Variants in SZT2 observed in about 807,000 individuals in gnomAD.
The protein encoded by SZT2 is KICSTOR complex protein SZT2.
A neutral mutation model predicts 404.2 loss-of-function variants in SZT2; 216 were observed. That is an observed-to-expected ratio of 0.53 (90% confidence interval 0.48 to 0.60). SZT2 has a LOEUF of 0.60. SZT2 is among the 20% of genes least tolerant of loss of function. The pLI is 0.00. For missense variants in SZT2, 3,857 were observed against 4,459.2 expected (o/e 0.86, Z 3.85); for synonymous variants, 1,693 against 1,749.9 (o/e 0.97, Z 0.81).
At chr1:43,416,663 C>T (rs772666294) in intron 7 of SZT2, 22 bp downstream of exon 7, 42 of 1,563,822 alleles carry the variant, frequency 2.7e-5, no homozygotes, top group Admixed American at 5.2e-5. Context: ...TTAGGAAGGA[C>T]GAGAGAGATA....
rs1480487934 is a variant in SZT2, at chr1:43,437,123, G to A, written c.6035-48G>A. The A allele has an allele frequency of 6.2e-7, 1 of 1,605,376 alleles. No homozygotes were observed. The highest frequency in any genetic ancestry group is 1.1e-5 in the South Asian group (1 of 90,010). On this transcript the variant is annotated intron_variant, in intron 42 of 71. Coordinates refer to ENST00000634258, the MANE Select transcript of SZT2 (RefSeq NM_001365999.1). The surrounding 1 kb of genome is among the most constrained non-coding windows in gnomAD (Gnocchi z 5.3). The stretch of plus-strand genomic sequence containing the variant: ...TTCCCAGGTGAGAAGTCTGTGGAGG[G>A]CAGAGGGTGGTGTGTCCCATTTCTA...
chr1:43,403,370 A>G, intron 2 of SZT2, 68 bp downstream of exon 2: 1 of 1,563,124 alleles, frequency 6.4e-7, no homozygotes, highest in Non-Finnish European at 8.7e-7. Flanking sequence ...GGAGAGTGCT[A>G]GAAACAGACA....
At position 43,439,185 on chromosome 1, in the gene SZT2, C is replaced by A; in HGVS notation, c.6792+92C>A. On this transcript the variant is annotated intron_variant, in intron 48 of 71. Transcript: ENST00000634258. The surrounding 1 kb of genome is among the most constrained non-coding windows in gnomAD (Gnocchi z 4.2). ...TTTCCTACCGATACCCCTATATGTA[C>A]CTTTGCCCATGGACCTGGGTACACC... 1 of 1,580,558 alleles carries A rather than the reference C, an allele frequency of 6.3e-7. No homozygotes were observed. The highest frequency in any genetic ancestry group is 1.1e-5 in the South Asian group (1 of 87,848).
intron 7 of SZT2, among the ~76,000 whole-genome samples, chr1:43,417,997 T>A (rs1254451754): frequency 6.6e-6 from 1 of 152,164 alleles, no homozygotes; most frequent in Non-Finnish European, 1.5e-5. Flanking sequence ...CAATGGTAAC[T>A]ACACTGTGAG....
At position 43,415,069 on chromosome 1, in the gene SZT2, A is replaced by G; in HGVS notation, c.499-13A>G. On this transcript the variant is annotated splice_polypyrimidine_tract_variant and intron_variant, in intron 4 of 71. Coordinates refer to ENST00000634258, the MANE Select transcript of SZT2 (RefSeq NM_001365999.1). ...TGACCGTCCTGTCTCAGTCTTTCCC[A>G]TGTGCTTCTTAGGTGCTGGTACAGG... 4 of 1,597,094 alleles carry G rather than the reference A, an allele frequency of 2.5e-6. No individual in the cohort carries two copies. The highest frequency in any genetic ancestry group is 2.5e-6 in the Non-Finnish European group (3 of 1,178,938).
At position 43,422,636 on chromosome 1, in the gene SZT2, G is replaced by T; in HGVS notation, c.1922+4G>T. 1 of 1,582,554 alleles carries T rather than the reference G, an allele frequency of 6.3e-7. No individual in the cohort carries two copies. The highest frequency in any genetic ancestry group is 8.5e-7 in the Non-Finnish European group (1 of 1,172,500). Reference sequence around the variant, plus strand: ...CTTATGTTAAGCTGCTCTCCAGGTGGGCAAAGTGATGTCCCTTCACCCCCC... The same window carrying T: ...CTTATGTTAAGCTGCTCTCCAGGTGTGCAAAGTGATGTCCCTTCACCCCCC... On this transcript the variant is annotated splice_donor_region_variant and intron_variant, in intron 13 of 71. Transcript: ENST00000634258.
intron 4 of SZT2, chr1:43,405,782 C>T (rs1650233843): frequency 6.6e-6 from 1 of 152,210 alleles, no homozygotes; most frequent in Non-Finnish European, 1.5e-5. Context: ...CACTGATAGC[C>T]AAGGCAGGGA....
chr1:43,440,316 C>G, intron 51 of SZT2, 137 bp from the exon 52 acceptor site: 1 of 1,342,716 alleles, frequency 7.4e-7, no homozygotes, highest in Non-Finnish European at 1.0e-6. Context: ...CAGCAGCACA[C>G]TATCAGTTGT....
At position 43,450,366 on chromosome 1, in the gene SZT2, C is replaced by T; in HGVS notation, c.10185C>T (p.Phe3395=). 6.2e-7 allele frequency: 1 copy of T among 1,614,104 alleles called. No individual in the cohort carries two copies. The highest frequency in any genetic ancestry group is 8.5e-7 in the Non-Finnish European group (1 of 1,179,996). The change falls in exon 72 of 72, where the codon TTC becomes TTT. Residue 3395 remains phenylalanine, a synonymous_variant. Coordinates refer to ENST00000634258, the MANE Select transcript of SZT2 (RefSeq NM_001365999.1). This position sits in a 1 kb window ranked among gnomAD's most constrained non-coding sequence, Gnocchi z 4.3. ...TGACAGTGGTTTTCCGAGAGCCCTT[C>T]CCAGTACAGCCCCAGGACAGCGAGA... ...TSLTVVFREP[F]PVQPQDSESP...
chr1:43,431,279 G>A lies in SZT2; in HGVS notation c.4931G>A (p.Ser1644Asn), dbSNP rs1328746885. Residue 1644 changes from serine (S) to asparagine (N), a missense_variant, in exon 34 of 72, where the codon AGC becomes AAC. This residue lies in a region of SZT2 where 1,725 missense variants were observed against 1,881.0 expected (regional missense o/e 0.92). Transcript: ENST00000634258. ...DPQHHRSTSE[S>N]SASFPRSPGQ... ...ACCCTGTTCAGGTCAACATCTGAAA[G>A]CAGTGCTTCATTTCCACGATCCCCA... 3.7e-6 allele frequency: 6 copies of A among 1,611,570 alleles called. No individual in the cohort carries two copies. The highest frequency in any genetic ancestry group is 5.1e-6 in the Non-Finnish European group (6 of 1,178,636).
At position 43,397,689 on chromosome 1, in the gene SZT2, G is replaced by A. The variant is rs566621070; in HGVS notation, c.28-5488G>A. Among the ~76,000 whole-genome samples the A allele has an allele frequency of 5.3e-5, 8 of 151,854 alleles. No individual in the cohort carries two copies. The South Asian group carries it at 1.0e-3, about 20-fold the overall frequency. On this transcript the variant is annotated intron_variant, in intron 1 of 71. Coordinates refer to ENST00000634258, the MANE Select transcript of SZT2 (RefSeq NM_001365999.1). ...ACTACAGATGTGCTCCACTATGCCC[G>A]GCTAATTTTTGTATGTTTTGGTAGA...
At chr1:43,435,765 G>A (rs189652808) in intron 42 of SZT2, 155 of 160,138 alleles carry the variant, frequency 9.7e-4, no homozygotes, top group Non-Finnish European at 1.3e-3. Context: ...GGGAGAGGTT[G>A]AAGAATACAG....
rs377492617 is a variant in SZT2 at position 43,451,942 on chromosome 1, G to A, written c.*1462G>A. The A allele has an allele frequency of 1.9e-6, 3 of 1,612,274 alleles. No homozygotes were observed. The highest frequency in any genetic ancestry group is 1.1e-5 in the South Asian group (1 of 91,030). ...ACAGGGCTGGGGTCGTACCCTGCTG[G>A]GGCGTGTCCAGGAAGTACTGGGGGT... On this transcript the variant is annotated 3_prime_UTR_variant, in exon 72 of 72. Coordinates refer to ENST00000634258, the MANE Select transcript of SZT2 (RefSeq NM_001365999.1).
chr1:43,425,035 T>C lies in SZT2; in HGVS notation c.2551-78T>C, dbSNP rs1570643781. On this transcript the variant is annotated intron_variant, in intron 17 of 71. Transcript: ENST00000634258. This position sits in a 1 kb window ranked among gnomAD's most constrained non-coding sequence, Gnocchi z 4.3. ...GGACAATTTGGTGAGGGAACTGAAA[T>C]TCTGAGGGCCAGAGCTAGGCCAGGC... 1 of 1,591,186 alleles carries C rather than the reference T, an allele frequency of 6.3e-7. No individual in the cohort carries two copies. Among genetic ancestry groups the C allele is most frequent in the Non-Finnish European group, 8.6e-7 (1 of 1,160,016 alleles).
intron 65 of SZT2, 116 bp downstream of exon 65, chr1:43,446,532 T>C (rs2153936636): frequency 8.0e-7 from 1 of 1,245,580 alleles, no homozygotes; most frequent in Non-Finnish European, 1.1e-6. Context: ...GGCCCAGTGA[T>C]TGATTCACTG....
chr1:43,449,839 T>G (rs1409991878), intron 70 of SZT2: 1 of 567,444 alleles, frequency 1.8e-6, no homozygotes, highest in Non-Finnish European at 3.2e-6. Flanking sequence ...CTCTGTTGAT[T>G]GGCTTCAGTG....
Position 43,453,783 on chromosome 1 carries a change from A to G in SZT2, c.*3303A>G. 1 of 1,284,362 alleles carries G rather than the reference A, an allele frequency of 7.8e-7. No individual in the cohort carries two copies. The highest frequency in any genetic ancestry group is 9.8e-7 in the Non-Finnish European group (1 of 1,018,914). The allele number at this position is 1,284,362 out of a possible 1,614,324, so 79.6% of individuals were successfully genotyped here. On this transcript the variant is annotated 3_prime_UTR_variant, in exon 72 of 72. Coordinates refer to ENST00000634258, the MANE Select transcript of SZT2 (RefSeq NM_001365999.1). ...CCAGGACAGATTGGCGGAGAAGCGC[A>G]GCGGCGCCATGCCTGGGGAGGCCGG...
Position 43,452,911 on chromosome 1 carries a change from C to A in SZT2, c.*2431C>A. ...CCCAACAGGCTACATACATGTCCAG[C>A]CTCAGGAACGCTGCCAAATACACCA... On this transcript the variant is annotated 3_prime_UTR_variant, in exon 72 of 72. Transcript: ENST00000634258. 6.2e-7 allele frequency: 1 copy of A among 1,603,310 alleles called. No homozygotes were observed. The highest frequency in any genetic ancestry group is 8.5e-7 in the Non-Finnish European group (1 of 1,175,702).
rs902895940 is a variant in SZT2 at position 43,426,242 on chromosome 1, G to A, written c.3043+91G>A. On this transcript the variant is annotated intron_variant, in intron 21 of 71. Transcript: ENST00000634258. This position sits in a 1 kb window ranked among gnomAD's most constrained non-coding sequence, Gnocchi z 4.9. ...ATAACAAACAGATGGGTCAGCAAGTGAGCAGATGAGTGGTGGGGGCAGGAG... is the reference window on the plus strand; with the variant it reads ...ATAACAAACAGATGGGTCAGCAAGTAAGCAGATGAGTGGTGGGGGCAGGAG... 11 of 1,510,546 alleles carry A rather than the reference G, an allele frequency of 7.3e-6. No individual in the cohort carries two copies. The African/African-American group carries it at 1.5e-4, about 21-fold the overall frequency. The allele number at this position is 1,510,546 out of a possible 1,614,324, so 93.6% of individuals were successfully genotyped here. A position where few individuals can be genotyped will look rare whatever the true frequency, so the allele number is the denominator to read the frequency against.
Sources: allele counts gnomAD v4.1 joint callset (sites outside exome capture counted in the v4.1 genomes callset), GRCh38; gene constraint gnomAD v4.1.1; regional missense constraint gnomAD v4.1.1; non-coding constraint Gnocchi (gnomAD v3.1); transcripts MANE v1.5; gene names NCBI Gene and HGNC (gene_info 2026-07-23, HGNC 2026-07-21).